The following DCC variants were observed in gnomAD, a reference collection of about 807,000 sequenced individuals.
DCC encodes netrin receptor DCC.
Under a neutral mutation model 172.5 loss-of-function variants are expected in DCC, and 58 were observed. That is an observed-to-expected ratio of 0.34 (90% confidence interval 0.27 to 0.42). The LOEUF (loss-of-function observed/expected upper bound fraction) is 0.42, where lower values mean the gene tolerates loss of function less well. DCC is among the 10% of genes least tolerant of loss of function. The pLI, the probability that DCC is intolerant of heterozygous loss-of-function variation, is 1.00. For missense variants in DCC, 1,740 were observed against 1,791.0 expected (o/e 0.97, Z 0.51); for synonymous variants, 709 against 644.5 (o/e 1.10, Z -1.52).
At chr18:53,476,450 G>A (rs1206146917) in intron 25 of DCC, among the ~76,000 whole-genome samples, 1 of 152,172 alleles carries the variant, frequency 6.6e-6, no homozygotes, top group Middle Eastern at 3.4e-3. Context: ...TCATGATAGT[G>A]AATAAGTCTG....
chr18:53,053,502 T>C (rs1361294260), intron 5 of DCC, among the ~76,000 whole-genome samples: 2 of 152,176 alleles, frequency 1.3e-5, no homozygotes, highest in African/African-American at 4.8e-5. Flanking sequence ...TGTTATAATC[T>C]ACCATTCCCT....
intron 5 of DCC, among the ~76,000 whole-genome samples, chr18:53,048,293 A>C (rs917928263): frequency 2.6e-5 from 4 of 151,744 alleles, no homozygotes; most frequent in Non-Finnish European, 4.4e-5. Context: ...CACTCAGAAA[A>C]AGGCCCAAGC....
chr18:52,404,151 A>T (rs1471251151), intron 1 of DCC, among the ~76,000 whole-genome samples: 8 of 152,072 alleles, frequency 5.3e-5, no homozygotes, highest in Non-Finnish European at 7.4e-5. Context: ...AGGCAAAAAA[A>T]TATGGTGTCA....
intron 2 of DCC, among the ~76,000 whole-genome samples, chr18:52,753,097 A>G (rs923573550): frequency 6.6e-6 from 1 of 152,120 alleles, no homozygotes; most frequent in Non-Finnish European, 1.5e-5. Context: ...GAGTATAGAT[A>G]TCTCTTATAT....
At chr18:52,873,150 A>G (rs1568160497) in intron 2 of DCC, among the ~76,000 whole-genome samples, 1 of 152,188 alleles carries the variant, frequency 6.6e-6, no homozygotes, top group Non-Finnish European at 1.5e-5. Context: ...AGTCTCATCC[A>G]GAGTCACTCC....
chr18:52,800,782 C>G (rs2037970549), intron 2 of DCC, among the ~76,000 whole-genome samples: 1 of 152,074 alleles, frequency 6.6e-6, no homozygotes, highest in African/African-American at 2.4e-5. Context: ...TTTCTTTTTT[C>G]TCCCTGATGT....
At chr18:52,557,439 G>A (rs2144733598) in intron 1 of DCC, among the ~76,000 whole-genome samples, 2 of 152,308 alleles carry the variant, frequency 1.3e-5, no homozygotes, top group South Asian at 4.1e-4. Flanking sequence ...CAGGGAGCCA[G>A]CGCTGTGAAA....
chr18:52,552,581 A>T (rs1023612577), intron 1 of DCC, among the ~76,000 whole-genome samples: 1 of 152,062 alleles, frequency 6.6e-6, no homozygotes, highest in Non-Finnish European at 1.5e-5. Flanking sequence ...AAATTTGGGG[A>T]CAGTAAAAGC....
chr18:52,789,208 A>G (rs780421742), intron 2 of DCC, among the ~76,000 whole-genome samples: 11 of 152,286 alleles, frequency 7.2e-5, no homozygotes, highest in Non-Finnish European at 1.3e-4. Context: ...TTTGGTTTTG[A>G]GAGGGAATTA....
intron 9 of DCC, among the ~76,000 whole-genome samples, chr18:53,182,233 G>C (rs1262009914): frequency 6.6e-6 from 1 of 152,202 alleles, no homozygotes; most frequent in Admixed American, 6.5e-5. Context: ...TTAGAAACAT[G>C]ATGCAGCCAT....
At chr18:53,397,200 G>A in intron 17 of DCC, 108 bp from the exon 18 acceptor site, 1 of 1,001,924 alleles carries the variant, frequency 1.0e-6, no homozygotes, top group East Asian at 2.5e-5. Context: ...TGCTGTTTGG[G>A]AGTAGATTAC....
At chr18:53,324,624 A>G (rs180939677) in intron 14 of DCC, among the ~76,000 whole-genome samples, 1 of 152,286 alleles carries the variant, frequency 6.6e-6, no homozygotes, top group East Asian at 1.9e-4. Context: ...AAGAAAAATC[A>G]AGAACAGTCA....
intron 5 of DCC, among the ~76,000 whole-genome samples, chr18:52,966,009 A>G (rs1428168933): frequency 6.6e-6 from 1 of 152,180 alleles, no homozygotes; most frequent in African/African-American, 2.4e-5. Context: ...CCCATAAAGG[A>G]ATATCATGCT....
intron 1 of DCC, among the ~76,000 whole-genome samples, chr18:52,538,796 ATTC>A (rs1269173805): frequency 6.6e-6 from 1 of 152,058 alleles, no homozygotes. Flanking sequence ...TTGATTGCAA[ATTC>A]TTCTGCAGCA....
At chr18:52,870,623 T>G (rs1423847752) in intron 2 of DCC, among the ~76,000 whole-genome samples, 1 of 152,076 alleles carries the variant, frequency 6.6e-6, no homozygotes, top group Non-Finnish European at 1.5e-5. Context: ...TTGAGATATC[T>G]TTTCACATTT....
intron 2 of DCC, among the ~76,000 whole-genome samples, chr18:52,772,669 C>G (rs1054487684): frequency 2.0e-5 from 3 of 152,092 alleles, no homozygotes; most frequent in African/African-American, 7.2e-5. Flanking sequence ...AGATTTCAGT[C>G]CAGAAAAAGA....
chr18:53,084,487 G>A (rs540345985), intron 7 of DCC, among the ~76,000 whole-genome samples: 43 of 152,258 alleles, frequency 2.8e-4, no homozygotes, highest in Non-Finnish European at 5.4e-4. Context: ...GGTTTGTGCA[G>A]GATATGAGTT....
At chr18:52,460,022 C>T (rs1200152342) in intron 1 of DCC, among the ~76,000 whole-genome samples, 1 of 151,912 alleles carries the variant, frequency 6.6e-6, no homozygotes, top group Non-Finnish European at 1.5e-5. Context: ...AATGAACTTA[C>T]GTGTGCATAT....
At chr18:52,804,524 G>C (rs992782043) in intron 2 of DCC, among the ~76,000 whole-genome samples, 3 of 152,138 alleles carry the variant, frequency 2.0e-5, no homozygotes, top group African/African-American at 7.2e-5. Context: ...AAAAAGTTTG[G>C]TAATTTCCCC....
Sources: allele counts gnomAD v4.1 joint callset (sites outside exome capture counted in the v4.1 genomes callset), GRCh38; gene constraint gnomAD v4.1.1; transcripts MANE v1.5; gene names NCBI Gene and HGNC (gene_info 2026-07-23, HGNC 2026-07-21).